SUGCT: variants seen among roughly 807,000 people sequenced by gnomAD.
The protein encoded by SUGCT is succinyl-CoA:glutarate-CoA transferase.
In SUGCT, 41 loss-of-function variants were observed where a neutral mutation model predicts 55.0. The observed-to-expected ratio is 0.74, with a 90% CI of 0.58 to 0.97. The LOEUF (loss-of-function observed/expected upper bound fraction) is 0.97. Ranked by LOEUF, SUGCT falls within the 50% of genes least tolerant of loss-of-function variation. The pLI is 0.00. For synonymous variants in SUGCT, 187 were observed against 200.4 expected (o/e 0.93, Z 0.56); for missense variants, 568 against 547.8 (o/e 1.04, Z -0.37).
chr7:40,648,633 T>A (rs886382649), intron 12 of SUGCT, among the ~76,000 whole-genome samples: 7 of 152,344 alleles, frequency 4.6e-5, no homozygotes, highest in African/African-American at 1.7e-4. Context: ...CAATGACTGG[T>A]GTCCTTACAA....
At chr7:40,724,144 A>G (rs1273793702) in intron 12 of SUGCT, among the ~76,000 whole-genome samples, 1 of 152,234 alleles carries the variant, frequency 6.6e-6, no homozygotes, top group African/African-American at 2.4e-5. Context: ...AAATGAGCAC[A>G]TGATTGCCTA....
At chr7:40,545,797 G>GTTTAAAA (rs1794956590) in intron 12 of SUGCT, among the ~76,000 whole-genome samples, 1 of 152,140 alleles carries the variant, frequency 6.6e-6, no homozygotes, top group Admixed American at 6.5e-5. Flanking sequence ...AATCATGGGT[G>GTTTAAAA]TGTTCTTTTA....
At chr7:40,996,166 A>T in the SUGCT span, among the ~76,000 whole-genome samples, 2 of 152,160 alleles carry the variant, frequency 1.3e-5, no homozygotes, top group East Asian at 3.9e-4. Flanking sequence ...TCTCCCTCCT[A>T]TGTTGGTGGC....
At chr7:41,013,633 T>C in the SUGCT span, among the ~76,000 whole-genome samples, 2 of 152,146 alleles carry the variant, frequency 1.3e-5, no homozygotes, top group Non-Finnish European at 2.9e-5. Flanking sequence ...ATTTTGTGGG[T>C]GTGTGCATGT....
At chr7:40,913,123 G>A in the SUGCT span, among the ~76,000 whole-genome samples, 11 of 148,992 alleles carry the variant, frequency 7.4e-5, no homozygotes, top group East Asian at 2.2e-3. Flanking sequence ...TGATTCTCCT[G>A]CCTCAGCCTC....
chr7:40,764,354 C>G (rs991706036), intron 13 of SUGCT, among the ~76,000 whole-genome samples: 3 of 152,258 alleles, frequency 2.0e-5, no homozygotes, highest in Admixed American at 6.5e-5. Flanking sequence ...ATCAGTGTTA[C>G]TGTTACCTCA....
the SUGCT span, among the ~76,000 whole-genome samples, chr7:40,977,466 A>G: frequency 7.2e-5 from 11 of 152,232 alleles, no homozygotes; most frequent in Non-Finnish European, 1.2e-4. Flanking sequence ...AGCAACTTGT[A>G]TGTGCTATCT....
At chr7:40,158,554 C>T (rs1327232681) in intron 1 of SUGCT, among the ~76,000 whole-genome samples, 1 of 152,170 alleles carries the variant, frequency 6.6e-6, no homozygotes, top group African/African-American at 2.4e-5. Context: ...AGTTCAAGAC[C>T]AGCCTGACCA....
intron 1 of SUGCT, among the ~76,000 whole-genome samples, chr7:40,167,060 G>A (rs934691992): frequency 2.0e-5 from 3 of 152,148 alleles, no homozygotes; most frequent in Non-Finnish European, 4.4e-5. Flanking sequence ...CAAGAGAAAT[G>A]AAGACATGTT....
intron 9 of SUGCT, among the ~76,000 whole-genome samples, chr7:40,337,267 C>A (rs1796767016): frequency 6.6e-6 from 1 of 152,230 alleles, no homozygotes; most frequent in African/African-American, 2.4e-5. Context: ...ATTACTTCTG[C>A]TTGGTGCAGA....
rs112792509 is a variant in SUGCT at position 40,211,080 on chromosome 7, G to A, written c.484+16020G>A. Among the ~76,000 whole-genome samples, 17 of 152,136 alleles carry A rather than the reference G, an allele frequency of 1.1e-4. 1 individual carries two copies. The highest frequency in any genetic ancestry group is 3.6e-4 in the African/African-American group (15 of 41,506). On this transcript the variant is annotated intron_variant, in intron 6 of 13. Transcript: ENST00000335693. Reference sequence around the variant, plus strand: ...TAACCTCCACCTCCTGGGTTCAAGCGATTCTTGTGCCTGTCTCTCGAGTAG... The same window carrying A: ...TAACCTCCACCTCCTGGGTTCAAGCAATTCTTGTGCCTGTCTCTCGAGTAG...
intron 13 of SUGCT, among the ~76,000 whole-genome samples, chr7:40,852,140 C>T (rs1237440216): frequency 2.6e-5 from 4 of 152,194 alleles, no homozygotes; most frequent in Non-Finnish European, 5.9e-5. Flanking sequence ...AAAAATAATC[C>T]TTGGCTTGTG....
chr7:40,366,152 A>G (rs1307194129), intron 9 of SUGCT, among the ~76,000 whole-genome samples: 3 of 152,208 alleles, frequency 2.0e-5, no homozygotes, highest in Non-Finnish European at 4.4e-5. Flanking sequence ...TGACAAAAAC[A>G]AGAAATGGGG....
chr7:40,451,603 CTT>C (rs147989373), intron 10 of SUGCT, among the ~76,000 whole-genome samples: 4,306 of 152,186 alleles, frequency 0.028, 149 homozygotes, highest in African/African-American at 0.074. Flanking sequence ...CTGTAAAACT[CTT>C]TGAGATTCTC....
At chr7:40,436,719 C>T (rs1037375506) in intron 9 of SUGCT, among the ~76,000 whole-genome samples, 4 of 152,252 alleles carry the variant, frequency 2.6e-5, no homozygotes, top group East Asian at 1.9e-4. Flanking sequence ...ATATTTCATA[C>T]GCTCAAGGAA....
chr7:40,898,894 C>T, the SUGCT span, among the ~76,000 whole-genome samples: 2 of 148,894 alleles, frequency 1.3e-5, no homozygotes, highest in Non-Finnish European at 3.0e-5. Context: ...GTCAAAACTT[C>T]CTAGGTACAT....
chr7:40,531,628 A>G (rs1275006859), intron 12 of SUGCT, among the ~76,000 whole-genome samples: 1 of 151,490 alleles, frequency 6.6e-6, no homozygotes, highest in Non-Finnish European at 1.5e-5. Flanking sequence ...TTAAAGTTGT[A>G]TTGAGTATGA....
chr7:40,137,870 T>G (rs1258471317), intron 1 of SUGCT, among the ~76,000 whole-genome samples: 2 of 152,048 alleles, frequency 1.3e-5, no homozygotes, highest in Non-Finnish European at 2.9e-5. Flanking sequence ...TTTGAAGACA[T>G]GGGGTTTTGC....
chr7:40,342,725 C>T lies in SUGCT; in HGVS notation c.816+25870C>T, dbSNP rs191876826. ...TGGCGTGATCTTGACTCACTGCAAC[C>T]TCTGTCTCCCAGGTTCAAGATATTA... On this transcript the variant is annotated intron_variant, in intron 9 of 13. Transcript: ENST00000335693. 1.2e-3 allele frequency among the ~76,000 whole-genome samples: 179 copies of T among 152,036 alleles called. 2 individuals are homozygous for T. Among genetic ancestry groups the T allele is most frequent in the African/African-American group, 4.0e-3 (167 of 41,440 alleles).
Sources: allele counts gnomAD v4.1 joint callset (sites outside exome capture counted in the v4.1 genomes callset), GRCh38; gene constraint gnomAD v4.1.1; transcripts MANE v1.5; gene names NCBI Gene and HGNC (gene_info 2026-07-23, HGNC 2026-07-21).